The following CYB5R2 variants were observed in gnomAD, a reference collection of about 807,000 sequenced individuals.
The protein encoded by CYB5R2 is NADH-cytochrome b5 reductase 2.
A neutral mutation model predicts 29.8 loss-of-function variants in CYB5R2; 35 were observed. That is an observed-to-expected ratio of 1.17 (90% CI 0.90 to 1.56). The LOEUF (loss-of-function observed/expected upper bound fraction) is 1.56, where lower values mean the gene tolerates loss of function less well. CYB5R2 is among the 40% of genes most tolerant of loss of function. CYB5R2 has a pLI of 0.00. For missense variants in CYB5R2, 419 were observed against 346.7 expected, an observed-to-expected ratio of 1.21 and a Z score of -1.66; for synonymous variants, 169 against 130.6, an observed-to-expected ratio of 1.29 and a Z score of -2.01.
chr11:7,673,017 CAA>C lies in CYB5R2; in HGVS notation c.-66-128_-66-127del, dbSNP rs994557165. The C allele has an allele frequency of 1.3e-5, 12 of 918,256 alleles. No homozygotes were observed. In the African/African-American group the frequency reaches 1.5e-4, roughly 11 times the overall value. The allele number at this position is 918,256 out of a possible 1,614,324, so 56.9% of individuals were successfully genotyped here. On this transcript the variant is annotated intron_variant, in intron 1 of 8. Transcript: ENST00000299498. ...CTGAGCTCTGCCTGCAGGAAATAGG[CAA>C]AGAGAACAGTAGTGACACAGAAGGC...
chr11:7,673,988 A>C, upstream of CYB5R2: 1 of 1,135,942 alleles, frequency 8.8e-7, no homozygotes, highest in Non-Finnish European at 1.1e-6. Flanking sequence ...CCCCCAGGGC[A>C]GCGCTCCATC....
At chr11:7,667,256 A>T (rs1045991167) in intron 7 of CYB5R2, 2 of 152,210 alleles carry the variant, frequency 1.3e-5, no homozygotes, top group Non-Finnish European at 2.9e-5. Context: ...TTATAGTGCA[A>T]CTTGATAAAA....
chr11:7,668,805 A>G (rs982008354), intron 5 of CYB5R2: 2 of 595,834 alleles, frequency 3.4e-6, no homozygotes, highest in Admixed American at 2.9e-5. Flanking sequence ...GAGGAAAAAG[A>G]GGGGCAAGCT....
At chr11:7,666,184 CA>C in intron 8 of CYB5R2, 1 of 596,882 alleles carries the variant, frequency 1.7e-6, no homozygotes, top group Non-Finnish European at 3.0e-6. Flanking sequence ...TCACAGTGGA[CA>C]GGGGCAGTGT....
Position 7,672,792 on chromosome 11 carries a change from G to T in CYB5R2, c.34C>A (p.Gln12Lys). The T allele has an allele frequency of 6.2e-7, 1 of 1,614,194 alleles. No individual in the cohort carries two copies. The highest frequency in any genetic ancestry group is 1.7e-5 in the Admixed American group (1 of 60,030). ...NSRRREPITL[Q>K]DPEAKYPLPL... ...AGCGGGTACTTGGCTTCAGGGTCCT[G>T]TAAGGTGATTGGCTCTCTCCTCCTG... is the stretch of plus-strand genomic sequence containing the variant. Residue 12 changes from glutamine to lysine, a missense_variant, in exon 2 of 9, where the codon CAG becomes AAG. Transcript: ENST00000299498.
rs1282164133 is a variant in CYB5R2, at chr11:7,666,041, G to A, written c.658+410C>T. 1.2e-5 allele frequency: 10 copies of A among 808,814 alleles called. 1 individual carries two copies. Among genetic ancestry groups the A allele is most frequent in the South Asian group, 4.6e-5 (3 of 65,076 alleles). The allele number at this position is 808,814 out of a possible 1,614,324, so 50.1% of individuals were successfully genotyped here. ...GGATGCTGTCTGGGCTGCAGCAGCT[G>A]TCTGGGGGCTCAGCATGTCCAGGTG... On this transcript the variant is annotated intron_variant, in intron 8 of 8. Transcript: ENST00000299498.
At chr11:7,668,454 A>C (rs1180098489) in intron 6 of CYB5R2, 24 bp downstream of exon 6, 2 of 1,587,422 alleles carry the variant, frequency 1.3e-6, no homozygotes, top group Admixed American at 3.3e-5. Flanking sequence ...CACTCTCTGG[A>C]TGGAGCCCCT....
rs758549288 is a variant in CYB5R2, at chr11:7,666,446, C to T, written c.658+5G>A. 21 of 1,594,984 alleles carry T rather than the reference C, an allele frequency of 1.3e-5. No homozygotes were observed. Among genetic ancestry groups the T allele is most frequent in the Non-Finnish European group, 1.5e-5 (18 of 1,163,432 alleles). On this transcript the variant is annotated splice_donor_5th_base_variant and intron_variant, in intron 8 of 8. Coordinates refer to ENST00000299498, the MANE Select transcript of CYB5R2 (RefSeq NM_016229.5). The stretch of plus-strand genomic sequence containing the variant: ...CATGGTGAGTGAGGGCAATGGATGT[C>T]GTACCAATGGGAGGCCTGTCCAGGG...
At position 7,669,064 on chromosome 11, in the gene CYB5R2, GATC is replaced by G. The variant is rs754782223; in HGVS notation, c.388+138_388+140del. 13 of 1,043,020 alleles carry G rather than the reference GATC, an allele frequency of 1.2e-5. No individual in the cohort carries two copies. The South Asian group carries it at 1.5e-4, about 12-fold the overall frequency. The allele number at this position is 1,043,020 out of a possible 1,614,324, so 64.6% of individuals were successfully genotyped here. A position where few individuals can be genotyped will look rare whatever the true frequency, so the allele number is the denominator to read the frequency against. On this transcript the variant is annotated intron_variant, in intron 5 of 8. Coordinates refer to ENST00000299498, the MANE Select transcript of CYB5R2 (RefSeq NM_016229.5). Reference sequence around the variant, plus strand: ...GGGTGTGTGAATGTGTAACAAGTGTGATCATTATGCATTGTGTGTGAATGAATG... The same window carrying G: ...GGGTGTGTGAATGTGTAACAAGTGTGATTATGCATTGTGTGTGAATGAATG...
intron 7 of CYB5R2, chr11:7,666,847 T>C: frequency 3.6e-6 from 1 of 278,714 alleles, no homozygotes; most frequent in Non-Finnish European, 6.9e-6. Flanking sequence ...CAGGATGGCT[T>C]CACTCGGAGC....
At chr11:7,672,702 G>A in intron 2 of CYB5R2, 46 bp downstream of exon 2, 1 of 1,610,558 alleles carries the variant, frequency 6.2e-7, no homozygotes, top group Non-Finnish European at 8.5e-7. Context: ...TGCCATCCCA[G>A]CCATCATCCA....
At chr11:7,672,719 G>A (rs774647327) in intron 2 of CYB5R2, 29 bp downstream of exon 2, 1 of 1,613,830 alleles carries the variant, frequency 6.2e-7, no homozygotes, top group Admixed American at 1.7e-5. Flanking sequence ...TCCACTTACT[G>A]CCTTCCACCC....
chr11:7,671,455 T>A (rs1481331841), intron 3 of CYB5R2: 1 of 152,302 alleles, frequency 6.6e-6, no homozygotes, highest in Non-Finnish European at 1.5e-5. Flanking sequence ...CAAGGCAGTT[T>A]CTAAGCAATT....
chr11:7,665,989 G>A (rs1345306375), intron 8 of CYB5R2: 1 of 1,342,600 alleles, frequency 7.4e-7, no homozygotes, highest in Non-Finnish European at 1.0e-6. Context: ...GCGCGCCTGT[G>A]GGGTGCTCTG....
At chr11:7,673,952 G>C, upstream of CYB5R2, 1 of 1,006,278 alleles carries the variant, frequency 9.9e-7, no homozygotes, top group Non-Finnish European at 1.2e-6. Context: ...TCTCACTCAC[G>C]AGCCGCTGGC....
chr11:7,665,985 C>T (rs1855151961), intron 8 of CYB5R2: 1 of 1,364,406 alleles, frequency 7.3e-7, no homozygotes, highest in Admixed American at 2.0e-5. Context: ...AGAGGCGCGC[C>T]TGTGGGGTGC....
rs140833646 is a variant in CYB5R2, at chr11:7,665,799, C to G, written c.659-253G>C. ...GCTGTCTGTCAGCTGTCAGCATTGA[C>G]GAGGAAGGAGAACACAACGAGGTAT... On this transcript the variant is annotated intron_variant, in intron 8 of 8. Coordinates refer to ENST00000299498, the MANE Select transcript of CYB5R2 (RefSeq NM_016229.5). 5.3e-4 allele frequency: 789 copies of G among 1,501,714 alleles called. No homozygotes were observed. In the African/African-American group the frequency reaches 8.4e-3, roughly 16 times the overall value. 93.0% of individuals were successfully genotyped at this position (1,501,714 alleles called of 1,614,324 possible).
rs1304436762 is a variant in CYB5R2, at chr11:7,673,433, C to G, written c.-81G>C. 17 of 987,896 alleles carry G rather than the reference C, an allele frequency of 1.7e-5. No individual in the cohort carries two copies. Among genetic ancestry groups the G allele is most frequent in the Non-Finnish European group, 1.9e-5 (16 of 831,526 alleles). 61.2% of individuals were successfully genotyped at this position (987,896 alleles called of 1,614,324 possible). A position where few individuals can be genotyped will look rare whatever the true frequency, so the allele number is the denominator to read the frequency against. ...TCTGTCCCTACCCTACAAGGCCGCC[C>G]TGCTCCTCTCCCAACTCAAGCCCGA... On this transcript the variant is annotated 5_prime_UTR_variant, in exon 1 of 9. Transcript: ENST00000299498.
Position 7,665,208 on chromosome 11 carries a change from C to CA in CYB5R2, c.*165_*166insT. On this transcript the variant is annotated 3_prime_UTR_variant, in exon 9 of 9. Transcript: ENST00000299498. ...GGCCCCAGCAGCCAGTCTCCAGCCC[C>CA]TTGAGCCCTTTTTGTTAGGCCCACA... 1.8e-6 allele frequency: 1 copy of CA among 563,596 alleles called. No homozygotes were observed. The highest frequency in any genetic ancestry group is 3.0e-6 in the Non-Finnish European group (1 of 332,616). 34.9% of individuals were successfully genotyped at this position (563,596 alleles called of 1,614,324 possible).
Sources: gnomAD v4.1 joint callset for allele counts on GRCh38, gnomAD v4.1.1 for gene constraint, MANE v1.5 for transcripts, NCBI Gene and HGNC (gene_info 2026-07-23, HGNC 2026-07-21) for gene names.